GFAP: variants seen among roughly 807,000 people sequenced by gnomAD.
The protein encoded by GFAP is intermediate filament protein.
In GFAP, 38 loss-of-function variants were observed where a neutral mutation model predicts 49.3. The observed-to-expected ratio is 0.77, with a 90% CI of 0.60 to 1.01. The LOEUF (loss-of-function observed/expected upper bound fraction) is 1.01, where lower values mean the gene tolerates loss of function less well. Ranked by LOEUF, GFAP falls within the 50% of genes least tolerant of loss-of-function variation. GFAP has a pLI of 0.00. For synonymous variants in GFAP, 222 were observed against 236.4 expected, an observed-to-expected ratio of 0.94 and a Z score of 0.56; for missense variants, 463 against 579.1, an observed-to-expected ratio of 0.80 and a Z score of 2.06.
At position 44,904,391 on chromosome 17, in the gene GFAP, T is replaced by TGGCGCATCGGCCTCTGCTACCTGC; in HGVS notation, c.*2932_*2955dup. 1.3e-6 allele frequency: 2 copies of TGGCGCATCGGCCTCTGCTACCTGC among 1,542,620 alleles called. No homozygotes were observed. Among genetic ancestry groups the TGGCGCATCGGCCTCTGCTACCTGC allele is most frequent in the Non-Finnish European group, 1.8e-6 (2 of 1,141,122 alleles). ...CCGCTGCGGAGTGCGTGGGGAGCAG[T>TGGCGCATCGGCCTCTGCTACCTGC]GGCGCATCGGCCTCTGCTACCTGCA... On this transcript the variant is annotated 3_prime_UTR_variant, in exon 9 of 9. Coordinates refer to ENST00000588735, the MANE Select transcript of GFAP (RefSeq NM_002055.5).
Position 44,903,927 on chromosome 17 carries a change from C to T in GFAP, c.*3420G>A, listed in dbSNP as rs994383873. The T allele has an allele frequency of 1.3e-6, 2 of 1,550,470 alleles. No individual in the cohort carries two copies. Among genetic ancestry groups the T allele is most frequent in the Non-Finnish European group, 1.7e-6 (2 of 1,147,008 alleles). On this transcript the variant is annotated 3_prime_UTR_variant, in exon 9 of 9. Transcript: ENST00000588735. ...AACATTTTTCAGAGGACCCCCTGCC[C>T]TGCTTTCCTGATGTTTGAAAATGCA... is the stretch of plus-strand genomic sequence containing the variant.
rs1367410231 is a variant in GFAP at position 44,904,731 on chromosome 17, A to G, written c.*2616T>C. ...CGGCCAGAGCATGCAGTGGCCTGGG[A>G]CAAAGACCGCCAGCACCTCTACCGC... On this transcript the variant is annotated 3_prime_UTR_variant, in exon 9 of 9. Coordinates refer to ENST00000588735, the MANE Select transcript of GFAP (RefSeq NM_002055.5). The G allele has an allele frequency of 1.9e-6, 3 of 1,550,534 alleles. No homozygotes were observed. The highest frequency in any genetic ancestry group is 2.0e-5 in the Admixed American group (1 of 51,002).
At chr17:44,912,068 G>T (rs1285217031) in intron 4 of GFAP, among the ~76,000 whole-genome samples, 2 of 152,144 alleles carry the variant, frequency 1.3e-5, no homozygotes, top group African/African-American at 4.8e-5. Flanking sequence ...GGGACTGAAC[G>T]CTGTCGTCTT....
At chr17:44,909,890 C>T in intron 7 of GFAP, 1 of 1,348,732 alleles carries the variant, frequency 7.4e-7, no homozygotes, top group East Asian at 3.0e-5. Context: ...CTCAGAGGCC[C>T]CAGAGCAGCT....
rs1281292227 is a variant in GFAP, at chr17:44,907,231, C to T, written c.*116G>A. 6.3e-6 allele frequency: 6 copies of T among 945,176 alleles called. No homozygotes were observed. The highest frequency in any genetic ancestry group is 8.6e-6 in the Non-Finnish European group (5 of 580,846). The allele number at this position is 945,176 out of a possible 1,614,324, so 58.5% of individuals were successfully genotyped here. On this transcript the variant is annotated 3_prime_UTR_variant, in exon 9 of 9. Transcript: ENST00000588735. ...AGGGACAGAGGAGGGAGGGGAGCAGCTGGGGTGGTGGGGAGCTCAGGTCTG... is the reference window on the plus strand; with the variant it reads ...AGGGACAGAGGAGGGAGGGGAGCAGTTGGGGTGGTGGGGAGCTCAGGTCTG...
chr17:44,904,401 G>A lies in GFAP; in HGVS notation c.*2946C>T. On this transcript the variant is annotated 3_prime_UTR_variant, in exon 9 of 9. Transcript: ENST00000588735. ...GTGCGTGGGGAGCAGTGGCGCATCG[G>A]CCTCTGCTACCTGCAGAGCCCAGAC... 1 of 1,542,428 alleles carries A rather than the reference G, an allele frequency of 6.5e-7. No homozygotes were observed. Among genetic ancestry groups the A allele is most frequent in the Non-Finnish European group, 8.8e-7 (1 of 1,140,954 alleles).
Position 44,915,365 on chromosome 17 carries a change from C to T in GFAP, c.122G>A (p.Arg41Gln), listed in dbSNP as rs767435467. ...CCGGGTCGGGAGTGGAGGGGGCATT[C>T]GAGCCAGGGAGAGGCGGGTGCCAGG... ...LGPGTRLSLARMPPPLPTRVD... is the reference protein window; with the variant it reads ...LGPGTRLSLAQMPPPLPTRVD... The change falls in exon 1 of 9, where the codon CGA (arginine) becomes CAA (glutamine). Residue 41 changes from arginine (R) to glutamine (Q), a missense_variant. Arg to Gln is a conservative substitution (Grantham distance 43, BLOSUM62 1). This residue lies in a region of GFAP where 89 missense variants were observed against 87.5 expected (regional missense o/e 1.02). Coordinates refer to ENST00000588735, the MANE Select transcript of GFAP (RefSeq NM_002055.5). The surrounding 1 kb of genome is among the most constrained non-coding windows in gnomAD (Gnocchi z 4.1). 21 of 1,610,420 alleles carry T rather than the reference C, an allele frequency of 1.3e-5. No homozygotes were observed. The highest frequency in any genetic ancestry group is 1.7e-4 in the Middle Eastern group (1 of 6,008).
intron 7 of GFAP, chr17:44,908,919 AAGG>A (rs748551325): frequency 0.021 from 2,446 of 115,346 alleles, 25 homozygotes; most frequent in Middle Eastern, 0.042. Context: ...GGAAGGAAGG[AAGG>A]AAGAAAGAAA....
chr17:44,910,223 G>A, intron 7 of GFAP: 1 of 1,613,962 alleles, frequency 6.2e-7, no homozygotes, highest in South Asian at 1.1e-5. Flanking sequence ...GATATCTTGT[G>A]ACCTTGTGAT....
At position 44,906,597 on chromosome 17, in the gene GFAP, G is replaced by C. The variant is rs1262931157; in HGVS notation, c.*750C>G. 1 of 152,778 alleles carries C rather than the reference G, an allele frequency of 6.5e-6. No individual in the cohort carries two copies. The highest frequency in any genetic ancestry group is 1.5e-5 in the Non-Finnish European group (1 of 68,516). The allele number at this position is 152,778 out of a possible 1,614,324, so 9.5% of individuals were successfully genotyped here. On this transcript the variant is annotated 3_prime_UTR_variant, in exon 9 of 9. Coordinates refer to ENST00000588735, the MANE Select transcript of GFAP (RefSeq NM_002055.5). ...GCAGCTCAGGTGGACTGAGACACTT[G>C]AGTCATCGCTCAGGAGGTCCTTCTG...
Position 44,904,342 on chromosome 17 carries a change from C to A in GFAP, c.*3005G>T. On this transcript the variant is annotated 3_prime_UTR_variant, in exon 9 of 9. Transcript: ENST00000588735. ...ATGGGCACCTCCATGTCTTCACCAC[C>A]TTCTGGGAATGGACCCCCTGTGACC... The A allele has an allele frequency of 6.5e-7, 1 of 1,542,204 alleles. No individual in the cohort carries two copies. The highest frequency in any genetic ancestry group is 1.4e-5 in the African/African-American group (1 of 72,992).
At position 44,907,288 on chromosome 17, in the gene GFAP, T is replaced by A; in HGVS notation, c.*59A>T. On this transcript the variant is annotated 3_prime_UTR_variant, in exon 9 of 9. Transcript: ENST00000588735. ...TGTGCCAGCAGAGGCGGAGCAACTA[T>A]CCTGCTTCTGCTCGGGCCCCTCATG... is the stretch of plus-strand genomic sequence containing the variant. 1 of 1,537,960 alleles carries A rather than the reference T, an allele frequency of 6.5e-7. No homozygotes were observed. Among genetic ancestry groups the A allele is most frequent in the Non-Finnish European group, 9.0e-7 (1 of 1,110,970 alleles).
At position 44,903,604 on chromosome 17, in the gene GFAP, C is replaced by A. The variant is rs886053015; in HGVS notation, c.*3743G>T. 3.6e-6 allele frequency: 5 copies of A among 1,405,360 alleles called. No individual in the cohort carries two copies. Among genetic ancestry groups the A allele is most frequent in the African/African-American group, 2.9e-5 (2 of 69,018 alleles). The allele number at this position is 1,405,360 out of a possible 1,614,324, so 87.1% of individuals were successfully genotyped here. A position where few individuals can be genotyped will look rare whatever the true frequency, so the allele number is the denominator to read the frequency against. On this transcript the variant is annotated 3_prime_UTR_variant, in exon 9 of 9. Coordinates refer to ENST00000588735, the MANE Select transcript of GFAP (RefSeq NM_002055.5). The stretch of plus-strand genomic sequence containing the variant: ...CCAGGTTCTAGAATGGCTTTCCCCC[C>A]CCACCCTGAGATCAGGTCTGGAATG...
At chr17:44,908,859 G>A (rs993243162) in intron 7 of GFAP, 1 of 151,448 alleles carries the variant, frequency 6.6e-6, no homozygotes, top group African/African-American at 2.4e-5. Flanking sequence ...AGACTCCGTC[G>A]AAAGCAGGCA....
At position 44,903,389 on chromosome 17, in the gene GFAP, A is replaced by G; in HGVS notation, c.*3958T>C. On this transcript the variant is annotated 3_prime_UTR_variant, in exon 9 of 9. Coordinates refer to ENST00000588735, the MANE Select transcript of GFAP (RefSeq NM_002055.5). ...TCCAGCCAGCCTCCCGGATGGCCAG[A>G]TATGCAGGAGGGTGGGTTTCCTTCA... 1.6e-6 allele frequency: 2 copies of G among 1,249,140 alleles called. No homozygotes were observed. The highest frequency in any genetic ancestry group is 3.1e-5 in the East Asian group (1 of 32,636). The allele number at this position is 1,249,140 out of a possible 1,614,324, so 77.4% of individuals were successfully genotyped here. A position where few individuals can be genotyped will look rare whatever the true frequency, so the allele number is the denominator to read the frequency against.
At position 44,905,217 on chromosome 17, in the gene GFAP, C is replaced by G. The variant is rs1026914025; in HGVS notation, c.*2130G>C. 4.4e-6 allele frequency: 3 copies of G among 675,238 alleles called. No individual in the cohort carries two copies. The highest frequency in any genetic ancestry group is 7.6e-6 in the Non-Finnish European group (3 of 393,050). 41.8% of individuals were successfully genotyped at this position (675,238 alleles called of 1,614,324 possible). A position where few individuals can be genotyped will look rare whatever the true frequency, so the allele number is the denominator to read the frequency against. On this transcript the variant is annotated 3_prime_UTR_variant, in exon 9 of 9. Transcript: ENST00000588735. ...ACAGCCTGCTCCCCATTTTCATGGG[C>G]AGGTCTGGGACCTGATCTGAGAAGT...
chr17:44,910,807 A>G (rs1597856968), intron 6 of GFAP, 149 bp from the exon 7 acceptor site: 6 of 1,183,214 alleles, frequency 5.1e-6, no homozygotes, highest in African/African-American at 1.5e-5. Flanking sequence ...CCAGCAGCCA[A>G]CGTGCTATCT....
At position 44,904,232 on chromosome 17, in the gene GFAP, G is replaced by A. The variant is rs1006460209; in HGVS notation, c.*3115C>T. On this transcript the variant is annotated 3_prime_UTR_variant, in exon 9 of 9. Coordinates refer to ENST00000588735, the MANE Select transcript of GFAP (RefSeq NM_002055.5). ...CACCCGCAAGGGGGACTACTTTTAC[G>A]CCTACGATGTGGACATCCAGAACAG... The A allele has an allele frequency of 7.1e-6, 11 of 1,550,536 alleles. No individual in the cohort carries two copies. The highest frequency in any genetic ancestry group is 5.9e-5 in the Admixed American group (3 of 51,002).
In GFAP at chr17:44,905,357, T is replaced by C. The variant is rs1303207904; in HGVS notation, c.*1990A>G. ...GAAGGAAAGTGTGAACTCAGATTTA[T>C]CCAGTGGTAAACACTGATCAGTGTT... On this transcript the variant is annotated 3_prime_UTR_variant, in exon 9 of 9. Transcript: ENST00000588735. 6.8e-6 allele frequency: 3 copies of C among 443,498 alleles called. No individual in the cohort carries two copies. The highest frequency in any genetic ancestry group is 1.3e-5 in the Non-Finnish European group (3 of 236,438). 27.5% of individuals were successfully genotyped at this position (443,498 alleles called of 1,614,324 possible). A position where few individuals can be genotyped will look rare whatever the true frequency, so the allele number is the denominator to read the frequency against.
Sources: gnomAD v4.1 joint callset for allele counts (sites outside exome capture counted in the v4.1 genomes callset) on GRCh38, gnomAD v4.1.1 for gene constraint, gnomAD v4.1.1 regional missense constraint, Gnocchi (gnomAD v3.1) non-coding constraint, MANE v1.5 for transcripts, NCBI Gene and HGNC (gene_info 2026-07-23, HGNC 2026-07-21) for gene names.